The following PERCC1 variants were observed in gnomAD, a reference collection of about 807,000 sequenced individuals.
PERCC1 encodes the protein proline and glutamate rich with coiled coil 1, also known as protein PERCC1.
At position 1,433,933 on chromosome 16, in the gene PERCC1, G is replaced by A. The variant is rs1031826038; in HGVS notation, c.*536G>A. On this transcript the variant is annotated 3_prime_UTR_variant, in exon 2 of 2. Transcript: ENST00000640283. ...AGGGGCCCACTGCCCGACCGAGAGA[G>A]CAAACAAGGGCCGTCTCCTCCCCAG... Among the ~76,000 whole-genome samples the A allele has an allele frequency of 3.2e-4, 48 of 152,336 alleles. No individual in the cohort carries two copies. The highest frequency in any genetic ancestry group is 1.1e-3 in the African/African-American group (46 of 41,576).
intron 1 of PERCC1, among the ~76,000 whole-genome samples, chr16:1,431,758 C>T (rs747219546): frequency 1.1e-4 from 17 of 152,122 alleles, no homozygotes; most frequent in Non-Finnish European, 2.1e-4. Flanking sequence ...ACCCCACAGT[C>T]CCCATCCAGA....
intron 1 of PERCC1, 70 bp from the exon 2 acceptor site, chr16:1,432,477 G>A (rs548068055): frequency 5.0e-6 from 2 of 397,942 alleles, no homozygotes; most frequent in South Asian, 1.4e-4. Context: ...AGATCCGAGG[G>A]CAGCAGTCGA....
At position 1,432,496 on chromosome 16, in the gene PERCC1, G is replaced by A. The variant is rs115522740; in HGVS notation, c.-47-51G>A. 640 of 398,340 alleles carry A rather than the reference G, an allele frequency of 1.6e-3. 2 individuals carry two copies. The highest frequency in any genetic ancestry group is 0.012 in the African/African-American group (603 of 48,740). 24.7% of individuals were successfully genotyped at this position (398,340 alleles called of 1,614,324 possible). On this transcript the variant is annotated intron_variant, in intron 1 of 1. Coordinates refer to ENST00000640283, the MANE Select transcript of PERCC1 (RefSeq NM_001365310.2). ...CCGAGGGCAGCAGTCGAGGGCGGCG[G>A]GGGCATGGCCAGGCCTGACAGGGAA...
Position 1,432,539 on chromosome 16 carries a change from C to CT in PERCC1, c.-47-7dup, listed in dbSNP as rs2038457336. 104 of 398,756 alleles carry CT rather than the reference C, an allele frequency of 2.6e-4. 1 individual carries two copies. In the East Asian group the frequency reaches 3.7e-3, roughly 14 times the overall value. 24.7% of individuals were successfully genotyped at this position (398,756 alleles called of 1,614,324 possible). A position where few individuals can be genotyped will look rare whatever the true frequency, so the allele number is the denominator to read the frequency against. On this transcript the variant is annotated splice_polypyrimidine_tract_variant and splice_region_variant and intron_variant, in intron 1 of 1. Transcript: ENST00000640283. ...ACAGGGAACCTGCCCCTCTGTCTCC[C>CT]TCCCCAGCCAGCGCCTGCTGCCCCG...
rs1368817769 is a variant in PERCC1 at position 1,433,802 on chromosome 16, G to A, written c.*405G>A. On this transcript the variant is annotated 3_prime_UTR_variant, in exon 2 of 2. Transcript: ENST00000640283. ...GCCTGCCCATCCCACCGAACCCCTA[G>A]GACTAAGCGGCCCGGAACCTGTGGC... is the stretch of plus-strand genomic sequence containing the variant. Among the ~76,000 whole-genome samples the A allele has an allele frequency of 6.6e-6, 1 of 152,228 alleles. No homozygotes were observed. The highest frequency in any genetic ancestry group is 1.5e-5 in the Non-Finnish European group (1 of 68,026).
chr16:1,433,199 C>T lies in PERCC1; in HGVS notation c.606C>T (p.Tyr202=), dbSNP rs919962226. Residue 202 remains tyrosine (Y), a synonymous_variant, in exon 2 of 2, where the codon TAC becomes TAT. Coordinates refer to ENST00000640283, the MANE Select transcript of PERCC1 (RefSeq NM_001365310.2). ...AGWSLTLERK[Y]GHITPMAQRK... ...GGAGCCTGACGCTGGAGCGGAAGTA[C>T]GGCCACATCACCCCCATGGCCCAGA... The T allele has an allele frequency of 2.3e-5, 9 of 398,518 alleles. No homozygotes were observed. Among genetic ancestry groups the T allele is most frequent in the South Asian group, 1.3e-4 (1 of 7,866 alleles). 24.7% of individuals were successfully genotyped at this position (398,518 alleles called of 1,614,324 possible).
intron 1 of PERCC1, among the ~76,000 whole-genome samples, 186 bp downstream of exon 1, chr16:1,431,294 T>G (rs2038445870): frequency 6.6e-6 from 1 of 152,062 alleles, no homozygotes. Flanking sequence ...GGAGGGCACC[T>G]GCATCTGGGC....
Position 1,433,768 on chromosome 16 carries a change from C to G in PERCC1, c.*371C>G, listed in dbSNP as rs57719803. ...GGAGGACAGAGCCCCCCGAGCCAGC[C>G]CTCCCACTGCCTGCCCATCCCACCG... On this transcript the variant is annotated 3_prime_UTR_variant, in exon 2 of 2. Coordinates refer to ENST00000640283, the MANE Select transcript of PERCC1 (RefSeq NM_001365310.2). Among the ~76,000 whole-genome samples, 44,001 of 152,208 alleles carry G rather than the reference C, an allele frequency of 0.29. 7,675 individuals carry two copies. The highest frequency in any genetic ancestry group is 0.73 in the East Asian group (3,753 of 5,172).
chr16:1,432,841 C>T lies in PERCC1; in HGVS notation c.248C>T (p.Pro83Leu), dbSNP rs971898630. 9 of 398,574 alleles carry T rather than the reference C, an allele frequency of 2.3e-5. No individual in the cohort carries two copies. The highest frequency in any genetic ancestry group is 4.4e-5 in the Admixed American group (1 of 22,722). The allele number at this position is 398,574 out of a possible 1,614,324, so 24.7% of individuals were successfully genotyped here. ...APEGPGSPET[P>L]LQLLRFSELI... ...GAGGGTCCCGGCAGCCCCGAGACCC[C>T]GCTGCAGCTGCTACGCTTTTCAGAG... The change falls in exon 2 of 2, where the codon CCG (proline) becomes CTG (leucine). Residue 83 changes from proline to leucine, a missense_variant. Transcript: ENST00000640283.
Position 1,432,529 on chromosome 16 carries a change from C to T in PERCC1, c.-47-18C>T. 5.0e-6 allele frequency: 2 copies of T among 398,686 alleles called. No individual in the cohort carries two copies. The highest frequency in any genetic ancestry group is 8.8e-6 in the Non-Finnish European group (2 of 226,036). The allele number at this position is 398,686 out of a possible 1,614,324, so 24.7% of individuals were successfully genotyped here. A position where few individuals can be genotyped will look rare whatever the true frequency, so the allele number is the denominator to read the frequency against. ...GCCAGGCCTGACAGGGAACCTGCCC[C>T]TCTGTCTCCCTCCCCAGCCAGCGCC... On this transcript the variant is annotated intron_variant, in intron 1 of 1. Transcript: ENST00000640283.
Position 1,433,304 on chromosome 16 carries a change from C to T in PERCC1, c.711C>T (p.Ser237=), listed in dbSNP as rs1276320405. 17 of 398,904 alleles carry T rather than the reference C, an allele frequency of 4.3e-5. No individual in the cohort carries two copies. In the South Asian group the frequency reaches 1.9e-3, roughly 45 times the overall value. The allele number at this position is 398,904 out of a possible 1,614,324, so 24.7% of individuals were successfully genotyped here. A position where few individuals can be genotyped will look rare whatever the true frequency, so the allele number is the denominator to read the frequency against. ...GLLHPGTPDF[S]DLLASWSTEA... ...TGCACCCTGGCACGCCGGACTTCAG[C>T]GACCTGCTGGCCAGCTGGTCAACCG... Residue 237 remains serine, a synonymous_variant, in exon 2 of 2, where the codon AGC becomes AGT. Coordinates refer to ENST00000640283, the MANE Select transcript of PERCC1 (RefSeq NM_001365310.2).
Position 1,434,346 on chromosome 16 carries a change from GTA to G in PERCC1, c.*950_*951del. 1 of 1,523,536 alleles carries G rather than the reference GTA, an allele frequency of 6.6e-7. No individual in the cohort carries two copies. The highest frequency in any genetic ancestry group is 8.8e-7 in the Non-Finnish European group (1 of 1,130,240). The allele number at this position is 1,523,536 out of a possible 1,614,324, so 94.4% of individuals were successfully genotyped here. On this transcript the variant is annotated 3_prime_UTR_variant, in exon 2 of 2. Coordinates refer to ENST00000640283, the MANE Select transcript of PERCC1 (RefSeq NM_001365310.2). ...CCCCGCTCAGCCCCACAGGCCCTGGGTAGGCTGTCTCCCAGCACACATCAGGG... is the reference window on the plus strand; with the variant it reads ...CCCCGCTCAGCCCCACAGGCCCTGGGGGCTGTCTCCCAGCACACATCAGGG...
chr16:1,432,202 A>C (rs2142347200), intron 1 of PERCC1, among the ~76,000 whole-genome samples: 1 of 151,844 alleles, frequency 6.6e-6, no homozygotes, highest in South Asian at 2.1e-4. Flanking sequence ...CCACAATTCT[A>C]GTGTCCCCAC....
chr16:1,432,434 A>G, intron 1 of PERCC1, 113 bp from the exon 2 acceptor site: 1 of 397,524 alleles, frequency 2.5e-6, no homozygotes. Context: ...CCAGGAGCGG[A>G]GGAAGGTCTC....
rs1297986172 is a variant in PERCC1 at position 1,434,031 on chromosome 16, C to A, written c.*634C>A. On this transcript the variant is annotated 3_prime_UTR_variant, in exon 2 of 2. Transcript: ENST00000640283. ...TGAGGCAGAGCCAGGGAGCCCGAGT[C>A]CAGGGGGCTTCCCCGGGTCCTCCTC... Among the ~76,000 whole-genome samples, 4 of 144,604 alleles carry A rather than the reference C, an allele frequency of 2.8e-5. No individual in the cohort carries two copies. Among genetic ancestry groups the A allele is most frequent in the Non-Finnish European group, 4.5e-5 (3 of 66,326 alleles). 94.9% of individuals were successfully genotyped at this position (144,604 alleles called of 152,430 possible).
In PERCC1 at chr16:1,432,599, C is replaced by T. The variant is rs1007776558; in HGVS notation, c.6C>T (p.Ala2=). 1.1e-4 allele frequency: 45 copies of T among 398,936 alleles called. No individual in the cohort carries two copies. Among genetic ancestry groups the T allele is most frequent in the African/African-American group, 8.4e-4 (41 of 48,618 alleles). 24.7% of individuals were successfully genotyped at this position (398,936 alleles called of 1,614,324 possible). The change falls in exon 2 of 2, where the codon GCC becomes GCT. Residue 2 remains alanine, a synonymous_variant. Transcript: ENST00000640283. ...GAAGCGTGGGACGCGCGGAGATGGC[C>T]GCCGGTGTGATCCGGCCCCTGTGCG... M[A]AGVIRPLCDF... is the part of the protein sequence containing the mutation.
At position 1,434,435 on chromosome 16, in the gene PERCC1, G is replaced by A. The variant is rs773622748; in HGVS notation, c.*1038G>A. The stretch of plus-strand genomic sequence containing the variant: ...ATTTCTGGATAAACAGTGAGGGTGT[G>A]AGCTGCTGCACCTGCTCCTGGCTGT... On this transcript the variant is annotated 3_prime_UTR_variant, in exon 2 of 2. Coordinates refer to ENST00000640283, the MANE Select transcript of PERCC1 (RefSeq NM_001365310.2). The A allele has an allele frequency of 1.3e-6, 2 of 1,550,380 alleles. No individual in the cohort carries two copies. Among genetic ancestry groups the A allele is most frequent in the Middle Eastern group, 3.4e-4 (2 of 5,950 alleles).
rs1030888381 is a variant in PERCC1, at chr16:1,433,300, T to G, written c.707T>G (p.Phe236Cys). The stretch of plus-strand genomic sequence containing the variant: ...CTGCTGCACCCTGGCACGCCGGACT[T>G]CAGCGACCTGCTGGCCAGCTGGTCA... ...LGLLHPGTPD[F>C]SDLLASWSTE... is the part of the protein sequence containing the mutation. Residue 236 changes from phenylalanine to cysteine, a missense_variant, in exon 2 of 2, where the codon TTC (phenylalanine) becomes TGC (cysteine). By Grantham distance (205) the Phe-to-Cys change is radical. Transcript: ENST00000640283. The G allele has an allele frequency of 2.5e-6, 1 of 398,916 alleles. No individual in the cohort carries two copies. Among genetic ancestry groups the G allele is most frequent in the Non-Finnish European group, 4.4e-6 (1 of 226,204 alleles). 24.7% of individuals were successfully genotyped at this position (398,916 alleles called of 1,614,324 possible).
chr16:1,432,234 G>T (rs910581838), intron 1 of PERCC1, among the ~76,000 whole-genome samples: 2 of 151,274 alleles, frequency 1.3e-5, no homozygotes, highest in African/African-American at 4.9e-5. Context: ...GTCCCCAACT[G>T]CCCCCCACGA....
Sources: gnomAD v4.1 joint callset for allele counts (sites outside exome capture counted in the v4.1 genomes callset) on GRCh38, gnomAD v4.1.1 for gene constraint, MANE v1.5 for transcripts, NCBI Gene and HGNC (gene_info 2026-07-23, HGNC 2026-07-21) for gene names.